FSIP1: variants seen among roughly 807,000 people sequenced by gnomAD.
The protein encoded by FSIP1 is fibrous sheath-interacting protein 1.
Under a neutral mutation model 60.9 loss-of-function variants are expected in FSIP1, and 65 were observed. The ratio of observed to expected loss-of-function variants is 1.07; its 90% CI spans 0.87 to 1.31. The LOEUF (loss-of-function observed/expected upper bound fraction) is 1.31, where lower values mean the gene tolerates loss of function less well. Among genes scored for constraint, FSIP1 ranks in the 40% most tolerant of loss-of-function variants. The pLI is 0.00. For missense variants in FSIP1, 675 were observed against 665.5 expected (o/e 1.01, Z -0.16); for synonymous variants, 209 against 221.2 (o/e 0.94, Z 0.49).
At chr15:39,653,664 A>C (rs141178642) in intron 10 of FSIP1, among the ~76,000 whole-genome samples, 1 of 152,110 alleles carries the variant, frequency 6.6e-6, no homozygotes, top group African/African-American at 2.4e-5. Flanking sequence ...CTTTCCCATG[A>C]TGTTCTCATA....
At chr15:39,753,847 C>A (rs1190142011) in intron 5 of FSIP1, among the ~76,000 whole-genome samples, 3 of 151,874 alleles carry the variant, frequency 2.0e-5, no homozygotes, top group Non-Finnish European at 4.4e-5. Flanking sequence ...TTATAAATGT[C>A]TAAAAAGTCA....
chr15:39,663,375 G>A (rs1009286566), intron 10 of FSIP1, among the ~76,000 whole-genome samples: 2 of 147,836 alleles, frequency 1.4e-5, no homozygotes, highest in African/African-American at 5.1e-5. Context: ...AATATAAATA[G>A]TATATAAATC....
chr15:39,673,187 C>T (rs557288413), intron 10 of FSIP1, among the ~76,000 whole-genome samples: 26 of 152,170 alleles, frequency 1.7e-4, no homozygotes, highest in Non-Finnish European at 2.6e-4. Flanking sequence ...AGAACAAATA[C>T]GGACATTTTT....
intron 3 of FSIP1, among the ~76,000 whole-genome samples, chr15:39,766,600 T>G (rs1162218433): frequency 6.6e-6 from 1 of 152,210 alleles, no homozygotes; most frequent in South Asian, 2.1e-4. Context: ...CACCCAAATC[T>G]GTCTGACTGC....
At chr15:39,771,928 T>A (rs1243660084) in intron 2 of FSIP1, among the ~76,000 whole-genome samples, 1 of 152,188 alleles carries the variant, frequency 6.6e-6, no homozygotes, top group Non-Finnish European at 1.5e-5. Context: ...GTCATTTATA[T>A]TGGTATAAAG....
chr15:39,719,691 T>C lies in FSIP1; in HGVS notation c.1051-6110A>G, dbSNP rs565023509. On this transcript the variant is annotated intron_variant, in intron 9 of 11. Transcript: ENST00000350221. Reference sequence around the variant, plus strand: ...TTCTGTAGGTTCCTGCTATTTCTTGTCATTAGATGGATCGTGTGTCTGGCA... The same window carrying C: ...TTCTGTAGGTTCCTGCTATTTCTTGCCATTAGATGGATCGTGTGTCTGGCA... 8.5e-4 allele frequency among the ~76,000 whole-genome samples: 129 copies of C among 152,310 alleles called. No homozygotes were observed. In the Middle Eastern group the frequency reaches 0.014, roughly 16 times the overall value.
Position 39,687,216 on chromosome 15 carries a change from G to A in FSIP1, c.1188+26228C>T, listed in dbSNP as rs146019037. On this transcript the variant is annotated intron_variant, in intron 10 of 11. Coordinates refer to ENST00000350221, the MANE Select transcript of FSIP1 (RefSeq NM_152597.5). ...CAGGCTGGAGTGGGAGTGCAATAGC[G>A]TGATCTTGGCTCAGTGCAACCTCTG... is the stretch of plus-strand genomic sequence containing the variant. Among the ~76,000 whole-genome samples the A allele has an allele frequency of 6.6e-4, 90 of 137,018 alleles. 1 individual carries two copies. The highest frequency in any genetic ancestry group is 2.2e-3 in the African/African-American group (79 of 36,362). 89.9% of individuals were successfully genotyped at this position (137,018 alleles called of 152,430 possible).
chr15:39,725,842 C>A (rs994181862), intron 9 of FSIP1, among the ~76,000 whole-genome samples: 1 of 150,634 alleles, frequency 6.6e-6, no homozygotes, highest in African/African-American at 2.5e-5. Flanking sequence ...TGGAGTGCAG[C>A]GGCACTATAT....
rs182681137 is a variant in FSIP1 at position 39,710,017 on chromosome 15, A to T, written c.1188+3427T>A. Among the ~76,000 whole-genome samples the T allele has an allele frequency of 6.4e-3, 968 of 152,310 alleles. 4 individuals carry two copies. Among genetic ancestry groups the T allele is most frequent in the Admixed American group, 0.012 (178 of 15,304 alleles). On this transcript the variant is annotated intron_variant, in intron 10 of 11. Transcript: ENST00000350221. The stretch of plus-strand genomic sequence containing the variant: ...ATTAACAAAACTGAAACAAGGACTC[A>T]GGTCTCCAGATTCCCGGCTGAAATA...
chr15:39,775,078 C>T (rs964711587), intron 2 of FSIP1, among the ~76,000 whole-genome samples: 9 of 152,212 alleles, frequency 5.9e-5, no homozygotes, highest in Non-Finnish European at 8.8e-5. Flanking sequence ...TGCAGTGGCA[C>T]AATCACAACT....
At chr15:39,773,092 ATATAT>A (rs1308046579) in intron 2 of FSIP1, among the ~76,000 whole-genome samples, 2 of 152,188 alleles carry the variant, frequency 1.3e-5, no homozygotes, top group African/African-American at 4.8e-5. Flanking sequence ...AGAATGAGAA[ATATAT>A]TATCACTAAA....
chr15:39,685,210 A>G (rs1477783774), intron 10 of FSIP1, among the ~76,000 whole-genome samples: 3 of 152,150 alleles, frequency 2.0e-5, no homozygotes, highest in African/African-American at 7.2e-5. Context: ...GCCCTCCTGA[A>G]CTTTCTATAA....
chr15:39,688,036 T>C (rs993184144), intron 10 of FSIP1, among the ~76,000 whole-genome samples: 2 of 152,154 alleles, frequency 1.3e-5, no homozygotes, highest in African/African-American at 2.4e-5. Context: ...CAAGCATCCA[T>C]GGAACTATAT....
At chr15:39,645,479 C>T (rs1450007092) in intron 10 of FSIP1, among the ~76,000 whole-genome samples, 1 of 152,200 alleles carries the variant, frequency 6.6e-6, no homozygotes, top group Non-Finnish European at 1.5e-5. Context: ...TAAACTACAG[C>T]TGTGAATCCA....
Position 39,713,569 on chromosome 15 carries a change from C to T in FSIP1, c.1063G>A (p.Asp355Asn), listed in dbSNP as rs1426788317. The change falls in exon 10 of 12, where the codon GAT (aspartate) becomes AAT (asparagine). Residue 355 changes from aspartate (D) to asparagine (N), a missense_variant. Physicochemically the swap from Asp to Asn is conservative, Grantham distance 23. Coordinates refer to ENST00000350221, the MANE Select transcript of FSIP1 (RefSeq NM_152597.5). ...ENRNNQKPDR[D>N]GERNMEVTPG... ...GTTACTTCCATATTTCTTTCACCAT[C>T]ACGGTCAGGTTTCTAATTTAAAGAA... 6.3e-7 allele frequency: 1 copy of T among 1,587,764 alleles called. No individual in the cohort carries two copies. The highest frequency in any genetic ancestry group is 1.9e-5 in the Admixed American group (1 of 53,336).
intron 10 of FSIP1, among the ~76,000 whole-genome samples, chr15:39,674,342 C>T (rs940653917): frequency 2.6e-5 from 4 of 152,206 alleles, no homozygotes; most frequent in African/African-American, 9.6e-5. Flanking sequence ...GCGTGAGCCA[C>T]TGCATCCGGC....
In FSIP1 at chr15:39,604,034, C is replaced by A. The variant is rs145039268; in HGVS notation, c.1700-3108G>T. Among the ~76,000 whole-genome samples, 797 of 152,314 alleles carry A rather than the reference C, an allele frequency of 5.2e-3. 5 individuals are homozygous for A. Among genetic ancestry groups the A allele is most frequent in the South Asian group, 0.025 (122 of 4,824 alleles). ...GCAACCTCCACCTCCCGAGTTCAAG[C>A]GATTCTCCTGCCTCAGCCTCCCAAG... On this transcript the variant is annotated intron_variant, in intron 11 of 11. Coordinates refer to ENST00000350221, the MANE Select transcript of FSIP1 (RefSeq NM_152597.5).
At chr15:39,732,631 A>AAG (rs1190938931) in intron 8 of FSIP1, among the ~76,000 whole-genome samples, 5 of 151,784 alleles carry the variant, frequency 3.3e-5, no homozygotes, top group African/African-American at 1.2e-4. Context: ...AAAAAAAAAA[A>AAG]AAAAAAAAAA....
chr15:39,742,555 G>A (rs6492914), intron 5 of FSIP1, among the ~76,000 whole-genome samples: 88,049 of 151,988 alleles, frequency 0.58, 26,080 homozygotes, highest in African/African-American at 0.69. Context: ...GTGTGTCTCT[G>A]TACCCTAATG....
Sources: gnomAD v4.1 joint callset for allele counts (sites outside exome capture counted in the v4.1 genomes callset) on GRCh38, gnomAD v4.1.1 for gene constraint, MANE v1.5 for transcripts, NCBI Gene and HGNC (gene_info 2026-07-23, HGNC 2026-07-21) for gene names.